The following PRDM5 variants were observed in gnomAD, a reference collection of about 807,000 sequenced individuals.
PRDM5 encodes the protein PR domain zinc finger protein 5.
Under a neutral mutation model 81.2 loss-of-function variants are expected in PRDM5, and 56 were observed. That is an observed-to-expected ratio of 0.69 (90% confidence interval 0.56 to 0.86). The LOEUF (loss-of-function observed/expected upper bound fraction) is 0.86, where lower values mean the gene tolerates loss of function less well. Among genes scored for constraint, PRDM5 ranks in the 40% least tolerant of loss-of-function variants. PRDM5 has a pLI of 0.00. For missense variants in PRDM5, 697 were observed against 770.1 expected (o/e 0.91, Z 1.12); for synonymous variants, 267 against 256.4 (o/e 1.04, Z -0.39).
intron 8 of PRDM5, among the ~76,000 whole-genome samples, chr4:120,806,763 C>CA (rs1458979925): frequency 6.6e-6 from 1 of 152,170 alleles, no homozygotes; most frequent in Non-Finnish European, 1.5e-5. Flanking sequence ...AAAACCTAGA[C>CA]AATACCATTC....
rs976233232 is a variant in PRDM5, at chr4:120,748,945, G to A, written c.1623+5608C>T. On this transcript the variant is annotated intron_variant, in intron 14 of 15. Transcript: ENST00000264808. ...CCTGACTGAATGGGGGAGCTAACTG[G>A]ACATGGAATATAAGAAGTTCCACTT... is the stretch of plus-strand genomic sequence containing the variant. 9.2e-5 allele frequency among the ~76,000 whole-genome samples: 14 copies of A among 152,200 alleles called. No individual in the cohort carries two copies. In the South Asian group the frequency reaches 2.7e-3, roughly 29 times the overall value.
intron 13 of PRDM5, among the ~76,000 whole-genome samples, chr4:120,757,235 A>T (rs568358124): frequency 6.6e-6 from 1 of 152,348 alleles, no homozygotes; most frequent in African/African-American, 2.4e-5. Context: ...AAAAAGGCTA[A>T]CTTCTTTTAA....
chr4:120,709,901 A>G (rs71600496), intron 15 of PRDM5, among the ~76,000 whole-genome samples: 25,145 of 152,172 alleles, frequency 0.17, 2,646 homozygotes, highest in Non-Finnish European at 0.24. Flanking sequence ...AATTTTGTAC[A>G]TGCTTGGCTT....
intron 2 of PRDM5, among the ~76,000 whole-genome samples, chr4:120,880,320 C>G (rs1322661194): frequency 6.6e-6 from 1 of 152,098 alleles, no homozygotes; most frequent in Non-Finnish European, 1.5e-5. Context: ...ATACTTCTCT[C>G]TAAATTTGCC....
At chr4:120,748,401 T>C (rs1160148045) in intron 14 of PRDM5, among the ~76,000 whole-genome samples, 1 of 152,102 alleles carries the variant, frequency 6.6e-6, no homozygotes, top group Non-Finnish European at 1.5e-5. Flanking sequence ...CCCAACACTT[T>C]GGGAGGCTGA....
chr4:120,778,736 T>C (rs1235830186), intron 12 of PRDM5, among the ~76,000 whole-genome samples: 2 of 152,096 alleles, frequency 1.3e-5, no homozygotes, highest in African/African-American at 4.8e-5. Context: ...AAAACAAGCA[T>C]CTCCTGGATT....
At chr4:120,743,030 A>C in intron 14 of PRDM5, among the ~76,000 whole-genome samples, 1 of 151,574 alleles carries the variant, frequency 6.6e-6, no homozygotes, top group Non-Finnish European at 1.5e-5. Context: ...AGCCAGAGAG[A>C]AAGGTCGGGT....
chr4:120,899,402 T>A (rs1190088225), intron 2 of PRDM5, among the ~76,000 whole-genome samples: 2 of 152,180 alleles, frequency 1.3e-5, no homozygotes, highest in African/African-American at 4.8e-5. Context: ...AGATTTTGAA[T>A]CTACTTTCCT....
chr4:120,766,618 C>T (rs1746426136), intron 13 of PRDM5, among the ~76,000 whole-genome samples: 1 of 152,008 alleles, frequency 6.6e-6, no homozygotes, highest in South Asian at 2.1e-4. Flanking sequence ...AGAGTAACAG[C>T]AGGGGTCAGG....
chr4:120,741,855 G>A (rs528078883), intron 14 of PRDM5, among the ~76,000 whole-genome samples: 2 of 152,320 alleles, frequency 1.3e-5, no homozygotes, highest in Non-Finnish European at 2.9e-5. Context: ...TGGGGGAGGG[G>A]TGCCCACCAT....
chr4:120,779,411 C>T (rs17051251), intron 12 of PRDM5, among the ~76,000 whole-genome samples: 30,283 of 152,030 alleles, frequency 0.2, 3,672 homozygotes, highest in Non-Finnish European at 0.28. Context: ...GCTCACTATA[C>T]TTTTCCTTTA....
At chr4:120,911,222 C>T (rs758987653) in intron 1 of PRDM5, among the ~76,000 whole-genome samples, 34 of 152,222 alleles carry the variant, frequency 2.2e-4, no homozygotes, top group Middle Eastern at 3.4e-3. Context: ...CCATGTGGAC[C>T]CAATGTTGCC....
At chr4:120,918,911 G>A (rs1031143514) in intron 1 of PRDM5, among the ~76,000 whole-genome samples, 2 of 152,128 alleles carry the variant, frequency 1.3e-5, no homozygotes, top group East Asian at 1.9e-4. Flanking sequence ...AAGGAGAGGC[G>A]GAGACAGGAC....
intron 13 of PRDM5, among the ~76,000 whole-genome samples, chr4:120,761,357 T>C (rs1041813189): frequency 5.9e-5 from 9 of 152,160 alleles, no homozygotes; most frequent in African/African-American, 2.2e-4. Flanking sequence ...AAATGTGTTA[T>C]GATGACAACC....
intron 14 of PRDM5, among the ~76,000 whole-genome samples, chr4:120,727,677 T>C (rs543226042): frequency 1.3e-5 from 2 of 152,242 alleles, no homozygotes; most frequent in Admixed American, 1.3e-4. Flanking sequence ...GGCTCACGCA[T>C]GTAATCCCAA....
chr4:120,799,509 T>C, intron 9 of PRDM5, 152 bp downstream of exon 9: 2 of 1,255,188 alleles, frequency 1.6e-6, no homozygotes, highest in Non-Finnish European at 2.1e-6. Flanking sequence ...ACTAAAGAAT[T>C]AAATAACTTG....
chr4:120,781,598 G>A (rs138564694), intron 11 of PRDM5, among the ~76,000 whole-genome samples: 6 of 152,206 alleles, frequency 3.9e-5, no homozygotes, highest in East Asian at 1.9e-4. Flanking sequence ...CTTCTACAGC[G>A]GGGGCTGGGA....
intron 13 of PRDM5, among the ~76,000 whole-genome samples, chr4:120,774,868 GTC>G (rs151074819): frequency 0.021 from 2,871 of 134,664 alleles, 90 homozygotes; most frequent in African/African-American, 0.076. Flanking sequence ...CTCCTTCTCT[GTC>G]TCTCTCTCTC....
intron 14 of PRDM5, among the ~76,000 whole-genome samples, chr4:120,732,987 A>G (rs1419150997): frequency 1.3e-5 from 2 of 152,238 alleles, no homozygotes; most frequent in Non-Finnish European, 2.9e-5. Context: ...TGTTCTAGCT[A>G]GTAATAGCAA....
Sources: gnomAD v4.1 joint callset for allele counts (sites outside exome capture counted in the v4.1 genomes callset) on GRCh38, gnomAD v4.1.1 for gene constraint, MANE v1.5 for transcripts, NCBI Gene and HGNC (gene_info 2026-07-23, HGNC 2026-07-21) for gene names.